Variants in CFAP20DC observed in about 807,000 individuals in gnomAD.
CFAP20DC encodes the protein protein CFAP20DC.
CFAP20DC carries 84 observed loss-of-function variants against 101.7 expected under a neutral mutation model. The ratio of observed to expected loss-of-function variants is 0.83; its 90% CI spans 0.69 to 0.99. CFAP20DC has a LOEUF of 0.99. CFAP20DC is among the 50% of genes least tolerant of loss of function. CFAP20DC has a pLI of 0.00. For missense variants in CFAP20DC, 1,007 were observed against 970.3 expected (o/e 1.04, Z -0.50); for synonymous variants, 359 against 351.2 (o/e 1.02, Z -0.25).
At chr3:59,039,728 C>A in intron 3 of CFAP20DC, 99 bp from the exon 4 acceptor site, 1 of 706,954 alleles carries the variant, frequency 1.4e-6, no homozygotes, top group East Asian at 3.0e-5. Context: ...AAGATTTTAG[C>A]ATTTCAGTAA....
At chr3:58,838,613 T>C (rs1408664499) in intron 13 of CFAP20DC, among the ~76,000 whole-genome samples, 2 of 152,180 alleles carry the variant, frequency 1.3e-5, no homozygotes, top group South Asian at 2.1e-4. Context: ...GATCTTTATA[T>C]TGATGTGCTA....
chr3:58,881,499 T>G (rs547636088), intron 7 of CFAP20DC, among the ~76,000 whole-genome samples: 1 of 152,172 alleles, frequency 6.6e-6, no homozygotes, highest in African/African-American at 2.4e-5. Flanking sequence ...TGTGTGGTTT[T>G]TGGAAACACA....
Position 58,863,542 on chromosome 3 carries a change from T to A in CFAP20DC, c.1593+16A>T. 6.2e-7 allele frequency: 1 copy of A among 1,613,074 alleles called. No individual in the cohort carries two copies. Among genetic ancestry groups the A allele is most frequent in the Non-Finnish European group, 8.5e-7 (1 of 1,179,750 alleles). ...CAACTGTGCTTCAAGACTACTTCAC[T>A]TATCAAGCAGTGTACCTCTTCACTG... On this transcript the variant is annotated intron_variant, in intron 12 of 16. Coordinates refer to ENST00000482387, the MANE Select transcript of CFAP20DC (RefSeq NM_001394063.1). The surrounding 1 kb of genome is among the most constrained non-coding windows in gnomAD (Gnocchi z 5.9).
At chr3:58,816,453 G>A (rs112469132) in intron 14 of CFAP20DC, among the ~76,000 whole-genome samples, 18 of 152,322 alleles carry the variant, frequency 1.2e-4, no homozygotes, top group Non-Finnish European at 2.1e-4. Flanking sequence ...GCGAGCCGAA[G>A]CAGGGCGAGG....
chr3:58,951,136 G>A (rs1052833721), intron 4 of CFAP20DC, among the ~76,000 whole-genome samples: 15 of 152,164 alleles, frequency 9.9e-5, no homozygotes, highest in African/African-American at 3.4e-4. Flanking sequence ...CATTTATGCA[G>A]CCAAAAGACA....
At chr3:58,822,204 G>C (rs770779380) in intron 14 of CFAP20DC, among the ~76,000 whole-genome samples, 6 of 149,148 alleles carry the variant, frequency 4.0e-5, no homozygotes, top group Non-Finnish European at 8.9e-5. Flanking sequence ...TAGATGAGGA[G>C]TTAGTGGGTG....
Position 58,831,865 on chromosome 3 carries a change from G to T in CFAP20DC, c.1996C>A (p.Pro666Thr). 6.2e-7 allele frequency: 1 copy of T among 1,613,990 alleles called. No homozygotes were observed. The highest frequency in any genetic ancestry group is 8.5e-7 in the Non-Finnish European group (1 of 1,179,934). The change falls in exon 14 of 17, where the codon CCA becomes ACA. Residue 666 changes from proline (P) to threonine (T), a missense_variant. Transcript: ENST00000482387. ...AACTCGGATTCACTCATCTGGCTTG[G>T]CTGATAGTTTCGCCAGTCATATTCC... ...ASEYDWRNYQPSQMSESELQM... is the reference protein window; with the variant it reads ...ASEYDWRNYQTSQMSESELQM...
intron 4 of CFAP20DC, among the ~76,000 whole-genome samples, chr3:59,027,533 G>T (rs963867851): frequency 3.3e-5 from 5 of 152,100 alleles, no homozygotes; most frequent in African/African-American, 1.2e-4. Context: ...TTCACTAGAG[G>T]CACAACAGTA....
chr3:58,847,934 G>A (rs1193737350), intron 13 of CFAP20DC, among the ~76,000 whole-genome samples: 3 of 121,432 alleles, frequency 2.5e-5, no homozygotes, highest in Non-Finnish European at 5.1e-5. Context: ...ACCAAACACC[G>A]CATATTCTCA....
chr3:58,872,006 C>T (rs886828838), intron 7 of CFAP20DC, among the ~76,000 whole-genome samples: 7 of 152,218 alleles, frequency 4.6e-5, no homozygotes, highest in East Asian at 1.9e-4. Flanking sequence ...CCCTGAATGA[C>T]GACATAAAAG....
intron 4 of CFAP20DC, among the ~76,000 whole-genome samples, chr3:58,982,368 C>T (rs1053302056): frequency 6.6e-6 from 1 of 152,066 alleles, no homozygotes; most frequent in South Asian, 2.1e-4. Flanking sequence ...TGGGTATATA[C>T]CCAAAGGATT....
chr3:59,025,947 A>C (rs1180891618), intron 4 of CFAP20DC, among the ~76,000 whole-genome samples: 2 of 152,130 alleles, frequency 1.3e-5, no homozygotes, highest in African/African-American at 4.8e-5. Flanking sequence ...GGAAAAAAAA[A>C]CTTTTCATAA....
At chr3:59,016,586 G>A (rs1377683619) in intron 4 of CFAP20DC, among the ~76,000 whole-genome samples, 1 of 152,104 alleles carries the variant, frequency 6.6e-6, no homozygotes, top group Non-Finnish European at 1.5e-5. Flanking sequence ...GTTAATTACT[G>A]TAATCATTAC....
At chr3:59,030,479 T>C (rs534734906) in intron 4 of CFAP20DC, among the ~76,000 whole-genome samples, 62 of 152,342 alleles carry the variant, frequency 4.1e-4, no homozygotes, top group African/African-American at 1.5e-3. Context: ...GAGAATGTCT[T>C]CCCCATGTTA....
Position 59,049,669 on chromosome 3 carries a change from C to A in CFAP20DC, c.-38G>T. On this transcript the variant is annotated 5_prime_UTR_variant, in exon 1 of 17. Transcript: ENST00000482387. The stretch of plus-strand genomic sequence containing the variant: ...CCCAGGGCTTGGGGGGCACAGAGTT[C>A]AGGGTTTCCAGCGAGTGGCGTGACC... The A allele has an allele frequency of 6.5e-7, 1 of 1,534,028 alleles. No individual in the cohort carries two copies. Among genetic ancestry groups the A allele is most frequent in the Non-Finnish European group, 8.7e-7 (1 of 1,145,656 alleles).
intron 5 of CFAP20DC, among the ~76,000 whole-genome samples, chr3:58,924,967 T>C (rs1307893786): frequency 1.3e-5 from 2 of 152,078 alleles, no homozygotes; most frequent in African/African-American, 4.8e-5. Context: ...AGATTGTGAA[T>C]TTTATTTTTA....
At chr3:58,808,750 A>T (rs2074341313) in intron 14 of CFAP20DC, among the ~76,000 whole-genome samples, 1 of 152,242 alleles carries the variant, frequency 6.6e-6, no homozygotes, top group Admixed American at 6.5e-5. Context: ...AAATGCTCCA[A>T]TTAAAAGACA....
intron 4 of CFAP20DC, among the ~76,000 whole-genome samples, chr3:59,008,062 A>G (rs759041410): frequency 1.6e-4 from 24 of 152,148 alleles, no homozygotes; most frequent in Non-Finnish European, 2.8e-4. Flanking sequence ...GGCTTCCCCA[A>G]CAGAAACACT....
At chr3:59,026,360 C>T (rs1483776542) in intron 4 of CFAP20DC, among the ~76,000 whole-genome samples, 4 of 152,130 alleles carry the variant, frequency 2.6e-5, no homozygotes, top group Admixed American at 2.6e-4. Flanking sequence ...CCCTTGGTGA[C>T]ATAAAAGATT....
Sources: gnomAD v4.1 joint callset for allele counts (sites outside exome capture counted in the v4.1 genomes callset) on GRCh38, gnomAD v4.1.1 for gene constraint, Gnocchi (gnomAD v3.1) non-coding constraint, MANE v1.5 for transcripts, NCBI Gene and HGNC (gene_info 2026-07-23, HGNC 2026-07-21) for gene names.